Variants in SLC9A9 observed in about 807,000 individuals in gnomAD.
SLC9A9 encodes sodium/hydrogen exchanger 9.
In SLC9A9, 62 loss-of-function variants were observed where a neutral mutation model predicts 77.8. That is an observed-to-expected ratio of 0.80 (90% CI 0.65 to 0.98). The LOEUF (loss-of-function observed/expected upper bound fraction) is 0.98. Among genes scored for constraint, SLC9A9 ranks in the 50% least tolerant of loss-of-function variants. SLC9A9 has a pLI of 0.00. For synonymous variants in SLC9A9, 320 were observed against 283.5 expected, an observed-to-expected ratio of 1.13 and a Z score of -1.29; for missense variants, 775 against 774.9, an observed-to-expected ratio of 1.00 and a Z score of 0.00.
At chr3:143,579,351 C>T (rs2037416378) in intron 6 of SLC9A9, among the ~76,000 whole-genome samples, 1 of 152,152 alleles carries the variant, frequency 6.6e-6, no homozygotes, top group Admixed American at 6.6e-5. Flanking sequence ...TTTTATACCC[C>T]AATTCTGGCG....
intron 14 of SLC9A9, among the ~76,000 whole-genome samples, chr3:143,280,777 T>C (rs1938194739): frequency 6.6e-6 from 1 of 152,114 alleles, no homozygotes; most frequent in African/African-American, 2.4e-5. Flanking sequence ...GGTCTCGAAC[T>C]CCTGACCTCA....
Position 143,266,857 on chromosome 3 carries a change from C to A in SLC9A9, c.1783G>T (p.Ala595Ser). The change falls in exon 16 of 16, where the codon GCC becomes TCC. Residue 595 changes from alanine (A) to serine (S), a missense_variant. Ala to Ser is a moderately conservative substitution (Grantham distance 99, BLOSUM62 1). Coordinates refer to ENST00000316549, the MANE Select transcript of SLC9A9 (RefSeq NM_173653.4). ...GCAGGAGGACTGCAGGGTGAGGAGG[C>A]TTGCTCCTGGTAATTTATGGCTAGT... ...DELAINYQEQ[A>S]SSPCSPPARL... 1 of 1,614,184 alleles carries A rather than the reference C, an allele frequency of 6.2e-7. No homozygotes were observed. The highest frequency in any genetic ancestry group is 8.5e-7 in the Non-Finnish European group (1 of 1,180,032).
At chr3:143,281,047 T>C (rs1214163498) in intron 14 of SLC9A9, among the ~76,000 whole-genome samples, 1 of 152,178 alleles carries the variant, frequency 6.6e-6, no homozygotes, top group East Asian at 1.9e-4. Context: ...GTGCCTGAAG[T>C]AGGTGCGGCT....
intron 13 of SLC9A9, among the ~76,000 whole-genome samples, chr3:143,376,156 G>T (rs926051075): frequency 4.6e-5 from 7 of 152,170 alleles, no homozygotes; most frequent in African/African-American, 1.7e-4. Flanking sequence ...AGCTTACTGG[G>T]TTTGGGTGAA....
chr3:143,694,103 T>C (rs1439135105), intron 4 of SLC9A9, among the ~76,000 whole-genome samples: 2 of 152,132 alleles, frequency 1.3e-5, no homozygotes, highest in South Asian at 2.1e-4. Context: ...ATTTAAGAAC[T>C]GTAAGAGTCT....
chr3:143,441,045 C>G (rs915784445), intron 12 of SLC9A9, among the ~76,000 whole-genome samples: 5 of 152,226 alleles, frequency 3.3e-5, no homozygotes, highest in Admixed American at 1.3e-4. Flanking sequence ...TCTTGTTAAC[C>G]CAGTTTTTTT....
intron 5 of SLC9A9, among the ~76,000 whole-genome samples, chr3:143,682,558 G>C (rs1249360254): frequency 7.3e-6 from 1 of 136,062 alleles, no homozygotes; most frequent in Non-Finnish European, 1.6e-5. Flanking sequence ...CATTTTTGTT[G>C]TAATAAATTA....
At chr3:143,328,573 A>G (rs1434914086) in intron 14 of SLC9A9, among the ~76,000 whole-genome samples, 1 of 152,182 alleles carries the variant, frequency 6.6e-6, no homozygotes, top group Non-Finnish European at 1.5e-5. Flanking sequence ...CACGGTATTC[A>G]AAGCCCAGTG....
intron 14 of SLC9A9, among the ~76,000 whole-genome samples, chr3:143,296,464 A>C (rs1207758643): frequency 6.6e-6 from 1 of 152,192 alleles, no homozygotes; most frequent in Non-Finnish European, 1.5e-5. Context: ...CCATTGATCC[A>C]CTGATGGACA....
At chr3:143,308,351 C>T (rs35090761) in intron 14 of SLC9A9, among the ~76,000 whole-genome samples, 24,616 of 151,884 alleles carry the variant, frequency 0.16, 2,370 homozygotes, top group African/African-American at 0.26. Context: ...CCGAGGCGGG[C>T]GGATCACGAG....
At chr3:143,661,374 A>G (rs1047005762) in intron 5 of SLC9A9, among the ~76,000 whole-genome samples, 1 of 152,140 alleles carries the variant, frequency 6.6e-6, no homozygotes, top group Admixed American at 6.5e-5. Flanking sequence ...TCTCTTCCCC[A>G]AGGCCACGGA....
At chr3:143,525,889 G>A (rs773290130) in intron 9 of SLC9A9, among the ~76,000 whole-genome samples, 5 of 152,162 alleles carry the variant, frequency 3.3e-5, no homozygotes, top group Non-Finnish European at 2.9e-5. Flanking sequence ...AGCAGACAGT[G>A]CAGGATACAA....
rs918008467 is a variant in SLC9A9 at position 143,270,085 on chromosome 3, G to A, written c.1605-1105C>T. Among the ~76,000 whole-genome samples the A allele has an allele frequency of 5.9e-5, 9 of 152,184 alleles. No individual in the cohort carries two copies. The South Asian group carries it at 1.4e-3, about 25-fold the overall frequency. ...CCTGAACGAAGCCTTGTTATGATGC[G>A]AGGAGAGTGACTGGGAAGATGTTAG... is the stretch of plus-strand genomic sequence containing the variant. On this transcript the variant is annotated intron_variant, in intron 14 of 15. Coordinates refer to ENST00000316549, the MANE Select transcript of SLC9A9 (RefSeq NM_173653.4).
chr3:143,395,176 T>C (rs1435794420), intron 12 of SLC9A9, among the ~76,000 whole-genome samples: 6 of 152,196 alleles, frequency 3.9e-5, no homozygotes, highest in Admixed American at 3.9e-4. Flanking sequence ...GCTGGAGGCA[T>C]CATGCTACAT....
intron 5 of SLC9A9, among the ~76,000 whole-genome samples, chr3:143,659,581 T>C (rs62269856): frequency 0.15 from 22,234 of 151,830 alleles, 2,379 homozygotes; most frequent in African/African-American, 0.31. Context: ...TAAACAAGAG[T>C]AATATTGAGA....
At chr3:143,745,292 C>T (rs1199100099) in intron 4 of SLC9A9, among the ~76,000 whole-genome samples, 1 of 152,178 alleles carries the variant, frequency 6.6e-6, no homozygotes, top group Non-Finnish European at 1.5e-5. Flanking sequence ...GATTGCAAAG[C>T]ACTTGCAGAT....
At chr3:143,325,474 A>G (rs565735783) in intron 14 of SLC9A9, among the ~76,000 whole-genome samples, 1 of 152,302 alleles carries the variant, frequency 6.6e-6, no homozygotes, top group South Asian at 2.1e-4. Context: ...TTATTTTGGT[A>G]GGGTCAGCCT....
At chr3:143,450,952 G>A (rs889916000) in intron 12 of SLC9A9, among the ~76,000 whole-genome samples, 5 of 152,108 alleles carry the variant, frequency 3.3e-5, no homozygotes, top group African/African-American at 7.2e-5. Context: ...GTGCTATGCC[G>A]GAGAAGAAGA....
intron 14 of SLC9A9, among the ~76,000 whole-genome samples, chr3:143,357,469 T>C (rs2032625365): frequency 6.6e-6 from 1 of 152,162 alleles, no homozygotes. Flanking sequence ...TGCTTGCTAC[T>C]GAAAGTAAAA....
Sources: gnomAD v4.1 joint callset for allele counts (sites outside exome capture counted in the v4.1 genomes callset) on GRCh38, gnomAD v4.1.1 for gene constraint, MANE v1.5 for transcripts, NCBI Gene and HGNC (gene_info 2026-07-23, HGNC 2026-07-21) for gene names.